Variants in ABHD17C observed in about 807,000 individuals in gnomAD.
The protein encoded by ABHD17C is alpha/beta hydrolase domain-containing protein 17C.
A neutral mutation model predicts 27.9 loss-of-function variants in ABHD17C; 11 were observed. The ratio of observed to expected loss-of-function variants is 0.39; its 90% CI spans 0.25 to 0.65. The LOEUF (loss-of-function observed/expected upper bound fraction) is 0.65, where lower values mean the gene tolerates loss of function less well. ABHD17C is among the 30% of genes least tolerant of loss of function. ABHD17C has a pLI of 0.45. For synonymous variants in ABHD17C, 233 were observed against 209.1 expected, an observed-to-expected ratio of 1.11 and a Z score of -0.98; for missense variants, 280 against 470.2, an observed-to-expected ratio of 0.60 and a Z score of 3.74.
At chr15:80,722,435 T>A (rs554368530) in intron 1 of ABHD17C, among the ~76,000 whole-genome samples, 37 of 151,992 alleles carry the variant, frequency 2.4e-4, no homozygotes, top group Non-Finnish European at 4.0e-4. Flanking sequence ...TGTAGATATT[T>A]AATATATACA....
intron 1 of ABHD17C, among the ~76,000 whole-genome samples, chr15:80,725,850 G>A (rs1056068738): frequency 1.3e-5 from 2 of 151,756 alleles, no homozygotes; most frequent in African/African-American, 4.8e-5. Flanking sequence ...GTTTATATAG[G>A]CTATTGTTGC....
At chr15:80,714,555 G>C (rs746453968) in intron 1 of ABHD17C, among the ~76,000 whole-genome samples, 3 of 152,228 alleles carry the variant, frequency 2.0e-5, no homozygotes, top group Non-Finnish European at 4.4e-5. Flanking sequence ...TACATGCATA[G>C]TCTTCCAAGG....
intron 1 of ABHD17C, among the ~76,000 whole-genome samples, chr15:80,715,093 A>G (rs557198472): frequency 6.6e-6 from 1 of 152,328 alleles, no homozygotes; most frequent in South Asian, 2.1e-4. Context: ...CACAGTTTGC[A>G]TTTTAAAAGA....
intron 1 of ABHD17C, among the ~76,000 whole-genome samples, chr15:80,719,438 C>A (rs1168950947): frequency 6.6e-6 from 1 of 152,238 alleles, no homozygotes. Context: ...TCCTTACCCC[C>A]AGTTCCTACT....
intron 1 of ABHD17C, among the ~76,000 whole-genome samples, chr15:80,729,103 C>G (rs1254754825): frequency 6.6e-6 from 1 of 152,156 alleles, no homozygotes; most frequent in Non-Finnish European, 1.5e-5. Context: ...TGTTTATTAT[C>G]GTATCTTCAG....
rs1314559616 is a variant in ABHD17C at position 80,754,257 on chromosome 15, C to T, written c.877C>T (p.Arg293Ter). The T allele has an allele frequency of 3.1e-6, 5 of 1,613,910 alleles. No individual in the cohort carries two copies. The highest frequency in any genetic ancestry group is 3.4e-6 in the Non-Finnish European group (4 of 1,179,880). Residue 293 changes from arginine to a stop codon, truncating the protein, a stop_gained, in exon 3 of 3, where the codon CGA becomes TGA. Transcript: ENST00000258884. LOFTEE classifies it high-confidence loss of function. Reference protein sequence around the residue: ...HGLAMYERCPRAVEPLWVEGA... With the variant: ...HGLAMYERCP ...CCTAGCGATGTACGAGCGCTGTCCCCGAGCCGTGGAGCCCCTTTGGGTTGA... is the reference window on the plus strand; with the variant it reads ...CCTAGCGATGTACGAGCGCTGTCCCTGAGCCGTGGAGCCCCTTTGGGTTGA...
At chr15:80,733,457 C>T (rs1488058420) in intron 1 of ABHD17C, among the ~76,000 whole-genome samples, 3 of 152,082 alleles carry the variant, frequency 2.0e-5, no homozygotes, top group African/African-American at 7.2e-5. Flanking sequence ...AGGCTTATCC[C>T]CTAAGAAGTC....
At chr15:80,699,685 A>G (rs115522605) in intron 1 of ABHD17C, among the ~76,000 whole-genome samples, 1 of 152,356 alleles carries the variant, frequency 6.6e-6, no homozygotes, top group African/African-American at 2.4e-5. Flanking sequence ...ATCCCCCCAG[A>G]TGATGAGTAT....
At position 80,695,596 on chromosome 15, in the gene ABHD17C, C is replaced by T; in HGVS notation, c.167C>T (p.Ala56Val). The part of the protein sequence containing the change: ...APEQRGAGAS[A>V]PAPAQATAAA... ...GAGCAGCGCGGCGCCGGCGCGTCCG[C>T]CCCGGCCCCGGCCCAGGCTACCGCC... The change falls in exon 1 of 3, where the codon GCC becomes GTC. Residue 56 changes from alanine to valine, a missense_variant. Around this residue, in one of 2 missense-constraint regions of ABHD17C, gnomAD observed 206 missense variants for 394.7 expected, o/e 0.52. Transcript: ENST00000258884. This position sits in a 1 kb window ranked among gnomAD's most constrained non-coding sequence, Gnocchi z 4.3. 7 of 1,104,000 alleles carry T rather than the reference C, an allele frequency of 6.3e-6. No individual in the cohort carries two copies. The highest frequency in any genetic ancestry group is 7.7e-6 in the Non-Finnish European group (7 of 908,568). 68.4% of individuals were successfully genotyped at this position (1,104,000 alleles called of 1,614,324 possible).
chr15:80,741,180 G>A (rs144820020), intron 1 of ABHD17C, among the ~76,000 whole-genome samples: 2 of 152,076 alleles, frequency 1.3e-5, no homozygotes, highest in East Asian at 3.9e-4. Flanking sequence ...AGCTCCTGGA[G>A]GCCACCAAAC....
chr15:80,722,869 C>T (rs1486890957), intron 1 of ABHD17C, among the ~76,000 whole-genome samples: 1 of 152,186 alleles, frequency 6.6e-6, no homozygotes, highest in Non-Finnish European at 1.5e-5. Context: ...GCAGGACCAT[C>T]CATGTTGTTG....
chr15:80,750,475 A>G (rs2627316), intron 2 of ABHD17C, among the ~76,000 whole-genome samples: 50,150 of 152,180 alleles, frequency 0.33, 10,401 homozygotes, highest in Non-Finnish European at 0.48. Context: ...TTTTATAAAA[A>G]AACCTCAGCA....
intron 1 of ABHD17C, among the ~76,000 whole-genome samples, chr15:80,720,214 CCTTTCA>C (rs1405555332): frequency 6.6e-6 from 1 of 151,864 alleles, no homozygotes; most frequent in Non-Finnish European, 1.5e-5. Context: ...TCTTTTGGAA[CCTTTCA>C]CTTTCTCCCA....
At chr15:80,754,023 C>T (rs939745441) in intron 2 of ABHD17C, 128 bp from the exon 3 acceptor site, 40 of 773,508 alleles carry the variant, frequency 5.2e-5, no homozygotes, top group Non-Finnish European at 7.7e-5. Flanking sequence ...ACAAAACAAA[C>T]AAAAAAAACC....
At chr15:80,726,501 G>GTTTGTTTTTTTTTT (rs1894978114) in intron 1 of ABHD17C, among the ~76,000 whole-genome samples, 20 of 94,500 alleles carry the variant, frequency 2.1e-4, no homozygotes, top group African/African-American at 1.1e-3. Context: ...TCTTTTTCTG[G>GTTTGTTTTTTTTTT]TTTTTTTTTT....
chr15:80,718,071 A>C (rs1265537068), intron 1 of ABHD17C, among the ~76,000 whole-genome samples: 9 of 152,256 alleles, frequency 5.9e-5, no homozygotes, highest in African/African-American at 2.2e-4. Context: ...ACAAAACAGA[A>C]GCCTACTTGA....
intron 1 of ABHD17C, among the ~76,000 whole-genome samples, chr15:80,715,200 T>G (rs1894787643): frequency 6.6e-6 from 1 of 152,224 alleles, no homozygotes; most frequent in Non-Finnish European, 1.5e-5. Flanking sequence ...TCTTTGGAAA[T>G]CAATTGAAAG....
rs1284422337 is a variant in ABHD17C at position 80,749,376 on chromosome 15, TA to T, written c.591-134del. The T allele has an allele frequency of 6.1e-6, 5 of 824,428 alleles. No homozygotes were observed. The East Asian group carries it at 1.4e-4, about 23-fold the overall frequency. 51.1% of individuals were successfully genotyped at this position (824,428 alleles called of 1,614,324 possible). ...TGTCAAGCTCACATTCATCTTAAAC[TA>T]AAGTGTACAAGTTAGATGATATGGT... On this transcript the variant is annotated intron_variant, in intron 1 of 2. Transcript: ENST00000258884.
chr15:80,729,883 A>G (rs371532243), intron 1 of ABHD17C, among the ~76,000 whole-genome samples: 2 of 152,140 alleles, frequency 1.3e-5, no homozygotes, highest in Non-Finnish European at 2.9e-5. Context: ...AGGCTGAGGC[A>G]GGAGGATCAT....
Sources: gnomAD v4.1 joint callset for allele counts (sites outside exome capture counted in the v4.1 genomes callset) on GRCh38, gnomAD v4.1.1 for gene constraint, gnomAD v4.1.1 regional missense constraint, Gnocchi (gnomAD v3.1) non-coding constraint, MANE v1.5 for transcripts, NCBI Gene and HGNC (gene_info 2026-07-23, HGNC 2026-07-21) for gene names.